MYPN: variants seen among roughly 807,000 people sequenced by gnomAD.
MYPN encodes the protein sarcomeric protein myopalladin, 145 kDa (MYOP).
Under a neutral mutation model 129.4 loss-of-function variants are expected in MYPN, and 63 were observed. The ratio of observed to expected loss-of-function variants is 0.49; its 90% CI spans 0.40 to 0.60. MYPN has a LOEUF of 0.60. Among genes scored for constraint, MYPN ranks in the 20% least tolerant of loss-of-function variants. The pLI, the probability that MYPN is intolerant of heterozygous loss-of-function variation, is 0.00. For synonymous variants in MYPN, 629 were observed against 600.9 expected, an observed-to-expected ratio of 1.05 and a Z score of -0.68; for missense variants, 1,596 against 1,635.4, an observed-to-expected ratio of 0.98 and a Z score of 0.42.
chr10:68,186,439 G>T (rs1434592383), intron 12 of MYPN, among the ~76,000 whole-genome samples: 1 of 152,100 alleles, frequency 6.6e-6, no homozygotes, highest in Non-Finnish European at 1.5e-5. Flanking sequence ...TTACTCTCCC[G>T]CTGACTAGGG....
chr10:68,103,085 A>C (rs904711003), upstream of MYPN, among the ~76,000 whole-genome samples: 1 of 152,236 alleles, frequency 6.6e-6, no homozygotes. Flanking sequence ...TGGATGAAAA[A>C]GCAAAACAAA....
chr10:68,090,243 AC>A (rs1424564151), intron 1 of MYPN, among the ~76,000 whole-genome samples: 6 of 152,134 alleles, frequency 3.9e-5, no homozygotes, highest in Non-Finnish European at 1.5e-5. Context: ...GCTCACTGCA[AC>A]CTCTGCCTTC....
intron 5 of MYPN, 56 bp from the exon 6 acceptor site, chr10:68,149,984 C>A: frequency 6.8e-7 from 1 of 1,471,314 alleles, no homozygotes; most frequent in Non-Finnish European, 9.5e-7. Flanking sequence ...TTATGTCTCA[C>A]TATCCATCTA....
At chr10:68,154,529 C>T (rs547914813) in intron 6 of MYPN, among the ~76,000 whole-genome samples, 1 of 152,350 alleles carries the variant, frequency 6.6e-6, no homozygotes, top group South Asian at 2.1e-4. Context: ...ACTTTTCTTA[C>T]TCAATGATTG....
chr10:68,156,571 T>TG (rs2042877571), intron 6 of MYPN, among the ~76,000 whole-genome samples: 2 of 152,252 alleles, frequency 1.3e-5, no homozygotes, highest in East Asian at 3.8e-4. Flanking sequence ...CAGCGCCTCC[T>TG]GGCTGTCACA....
chr10:68,149,345 G>A (rs557430535), intron 5 of MYPN, among the ~76,000 whole-genome samples: 2 of 152,116 alleles, frequency 1.3e-5, no homozygotes, highest in Non-Finnish European at 2.9e-5. Flanking sequence ...CATTGTCTAT[G>A]CATATAGAAG....
upstream of MYPN, chr10:68,106,264 A>G (rs2042011501): frequency 4.7e-6 from 2 of 424,100 alleles, no homozygotes; most frequent in African/African-American, 4.1e-5. Context: ...TAGTTTTTAA[A>G]ACTAAGTGGG....
chr10:68,106,840 G>GA, upstream of MYPN: 1 of 715,842 alleles, frequency 1.4e-6, no homozygotes, highest in Non-Finnish European at 2.6e-6. Flanking sequence ...ACTGAATTAA[G>GA]AAAACAGCTG....
chr10:68,193,498 G>A (rs2043549693), intron 13 of MYPN, among the ~76,000 whole-genome samples: 1 of 152,178 alleles, frequency 6.6e-6, no homozygotes, highest in Non-Finnish European at 1.5e-5. Context: ...AAAGTGAACT[G>A]TATTAGGTTG....
Position 68,121,780 on chromosome 10 carries a change from G to C in MYPN, c.342G>C (p.Glu114Asp), listed in dbSNP as rs1271454652. The C allele has an allele frequency of 3.7e-6, 6 of 1,614,044 alleles. No individual in the cohort carries two copies. In the Admixed American group the frequency reaches 8.3e-5, roughly 22 times the overall value. Residue 114 changes from glutamate to aspartate, a missense_variant, in exon 2 of 20, where the codon GAG (glutamate) becomes GAC (aspartate). Coordinates refer to ENST00000358913, the MANE Select transcript of MYPN (RefSeq NM_032578.4). ...QMKHSPNLSF[E>D]PNFCQDNPRS... ...AACACTCACCTAATTTAAGTTTTGA[G>C]CCTAACTTCTGCCAGGATAACCCTC... is the stretch of plus-strand genomic sequence containing the variant.
At position 68,165,796 on chromosome 10, in the gene MYPN, C is replaced by T. The variant is rs533432953; in HGVS notation, c.1578C>T (p.Ser526=). 7 of 1,614,042 alleles carry T rather than the reference C, an allele frequency of 4.3e-6. No individual in the cohort carries two copies. The South Asian group carries it at 7.7e-5, about 18-fold the overall frequency. Residue 526 remains serine (S), a synonymous_variant, in exon 9 of 20, where the codon AGC becomes AGT. Coordinates refer to ENST00000358913, the MANE Select transcript of MYPN (RefSeq NM_032578.4). ...GCAACAAATACGGCACAGTGTCAAG[C>T]ATTGCACAGCTGCACGTGAGAGGTA... is the stretch of plus-strand genomic sequence containing the variant. ...TASNKYGTVS[S]IAQLHVRGNE...
Position 68,201,870 on chromosome 10 carries a change from C to T in MYPN, c.3535C>T (p.Gln1179Ter). ...KKAPVILEKL[Q>*]NCGVPEGHPV... is the part of the protein sequence containing the mutation. ...AGCACCTGTGATCCTGGAGAAACTA[C>T]AGAACTGCGGTGTTCCCGAAGGCCA... Residue 1179 changes from glutamine to a stop codon, truncating the protein, a stop_gained, in exon 18 of 20, where the codon CAG (glutamine) becomes TAG (stop). Coordinates refer to ENST00000358913, the MANE Select transcript of MYPN (RefSeq NM_032578.4). LOFTEE classifies it high-confidence loss of function. 1 of 1,614,124 alleles carries T rather than the reference C, an allele frequency of 6.2e-7. No individual in the cohort carries two copies. Among genetic ancestry groups the T allele is most frequent in the African/African-American group, 1.3e-5 (1 of 75,030 alleles).
At chr10:68,115,184 A>G (rs1282772854) in intron 1 of MYPN, among the ~76,000 whole-genome samples, 2 of 149,818 alleles carry the variant, frequency 1.3e-5, no homozygotes, top group African/African-American at 4.9e-5. Flanking sequence ...GCTTGAACCC[A>G]GGAGGCAGAG....
intron 1 of MYPN, among the ~76,000 whole-genome samples, chr10:68,091,230 C>T (rs1199325803): frequency 2.0e-5 from 3 of 151,978 alleles, no homozygotes; most frequent in African/African-American, 7.3e-5. Flanking sequence ...AGCTTCTCCA[C>T]CAGGAGCAAT....
At chr10:68,199,308 G>A (rs1008372239) in intron 16 of MYPN, 60 bp from the exon 17 acceptor site, 2 of 1,517,712 alleles carry the variant, frequency 1.3e-6, no homozygotes, top group Non-Finnish European at 1.8e-6. Flanking sequence ...AAAGAATTCA[G>A]CCATCAAATA....
intron 2 of MYPN, among the ~76,000 whole-genome samples, chr10:68,139,797 A>G (rs1347143731): frequency 2.6e-5 from 4 of 152,232 alleles, no homozygotes; most frequent in African/African-American, 4.8e-5. Context: ...CAACAAACCC[A>G]TCAAACACTT....
At chr10:68,130,938 T>C (rs2042400798) in intron 2 of MYPN, among the ~76,000 whole-genome samples, 1 of 152,374 alleles carries the variant, frequency 6.6e-6, no homozygotes, top group Admixed American at 6.5e-5. Context: ...TGAAATTCCA[T>C]AAACGTATGG....
chr10:68,203,716 C>G (rs1283818968), intron 18 of MYPN, among the ~76,000 whole-genome samples: 2 of 76,766 alleles, frequency 2.6e-5, no homozygotes, highest in African/African-American at 3.7e-5. Flanking sequence ...CACACATACA[C>G]ACACAGAGAG....
chr10:68,094,042 C>G (rs1353264636), intron 1 of MYPN, among the ~76,000 whole-genome samples: 2 of 151,944 alleles, frequency 1.3e-5, no homozygotes, highest in Admixed American at 1.3e-4. Flanking sequence ...CTATAATTAG[C>G]GTATAATGAG....
Sources: gnomAD v4.1 joint callset for allele counts (sites outside exome capture counted in the v4.1 genomes callset) on GRCh38, gnomAD v4.1.1 for gene constraint, MANE v1.5 for transcripts, NCBI Gene and HGNC (gene_info 2026-07-23, HGNC 2026-07-21) for gene names.